Variants in MED12L observed in about 807,000 individuals in gnomAD.
The protein encoded by MED12L is mediator of RNA polymerase II transcription subunit 12-like protein.
In MED12L, 60 loss-of-function variants were observed where a neutral mutation model predicts 281.3. The observed-to-expected ratio is 0.21, with a 90% confidence interval of 0.17 to 0.26. The LOEUF (loss-of-function observed/expected upper bound fraction) is 0.26. Ranked by LOEUF, MED12L falls within the 10% of genes least tolerant of loss-of-function variation. The pLI, the probability that MED12L is intolerant of heterozygous loss-of-function variation, is 1.00. For missense variants in MED12L, 2,146 were observed against 2,680.9 expected (o/e 0.80, Z 4.41); for synonymous variants, 974 against 987.2 (o/e 0.99, Z 0.25).
chr3:151,430,469 GGTACCATCT>G (rs1420234674), intron 44 of MED12L, 89 bp downstream of exon 44: 7 of 1,581,796 alleles, frequency 4.4e-6, no homozygotes, highest in Middle Eastern at 1.8e-4. Flanking sequence ...CTCCCAAGAT[GGTACCATCT>G]TCCTCAGTAC....
rs35382265 is a variant in MED12L at position 151,313,542 on chromosome 3, TA to T, written c.2251-36506del. ...ATTTATACCTTAAGGTTGTCTGAGT[TA>T]AAAAAAAAAATGCATGATAAGGCCA... On this transcript the variant is annotated intron_variant, in intron 16 of 44. Coordinates refer to ENST00000687756, the MANE Select transcript of MED12L (RefSeq NM_001393769.1). Among the ~76,000 whole-genome samples, 1,436 of 147,930 alleles carry T rather than the reference TA, an allele frequency of 9.7e-3. 14 individuals carry two copies. Among genetic ancestry groups the T allele is most frequent in the Non-Finnish European group, 0.014 (909 of 66,764 alleles).
At chr3:151,354,956 TCTGTTACTTTGCATTC>T (rs576172265) in intron 17 of MED12L, among the ~76,000 whole-genome samples, 149 bp from the exon 18 acceptor site, 177 of 152,302 alleles carry the variant, frequency 1.2e-3, no homozygotes, top group African/African-American at 4.1e-3. Context: ...GAGATTCCAT[TCTGTTACTTTGCATTC>T]AAGTCTTATT....
At chr3:151,117,439 C>T (rs1712998711) in intron 3 of MED12L, among the ~76,000 whole-genome samples, 1 of 152,140 alleles carries the variant, frequency 6.6e-6, no homozygotes, top group Non-Finnish European at 1.5e-5. Context: ...AGATGGGACA[C>T]ATAGATACAT....
rs116587020 is a variant in MED12L at position 151,154,521 on chromosome 3, A to C, written c.557-1640A>C. 5.9e-3 allele frequency among the ~76,000 whole-genome samples: 897 copies of C among 152,250 alleles called. 10 individuals are homozygous for C. The highest frequency in any genetic ancestry group is 0.02 in the African/African-American group (841 of 41,548). ...TTCTCCTATATTTTAAAAAATCTTA[A>C]AAAGGAGATATACCCTAGACAAAAT... On this transcript the variant is annotated intron_variant, in intron 5 of 44. Coordinates refer to ENST00000687756, the MANE Select transcript of MED12L (RefSeq NM_001393769.1).
chr3:151,119,059 T>C (rs1713329181), intron 3 of MED12L, among the ~76,000 whole-genome samples: 1 of 152,216 alleles, frequency 6.6e-6, no homozygotes, highest in Non-Finnish European at 1.5e-5. Flanking sequence ...CACTTTTCCT[T>C]ATGGCTAAAG....
intron 16 of MED12L, among the ~76,000 whole-genome samples, chr3:151,322,178 G>T (rs1229300285): frequency 6.6e-6 from 1 of 152,008 alleles, no homozygotes; most frequent in East Asian, 1.9e-4. Flanking sequence ...TATAAAAGCT[G>T]ATTTGTTTCT....
chr3:151,287,632 C>A (rs189512718), intron 16 of MED12L, among the ~76,000 whole-genome samples: 1 of 152,158 alleles, frequency 6.6e-6, no homozygotes, highest in Non-Finnish European at 1.5e-5. Flanking sequence ...CACTTCACTT[C>A]CTAGCTAGGT....
chr3:151,312,810 G>A (rs1173887470), intron 16 of MED12L, among the ~76,000 whole-genome samples: 1 of 152,188 alleles, frequency 6.6e-6, no homozygotes, highest in East Asian at 1.9e-4. Context: ...TACTTGGGCA[G>A]GTTACCCAAC....
intron 5 of MED12L, among the ~76,000 whole-genome samples, chr3:151,136,221 A>G (rs1019446870): frequency 1.3e-5 from 2 of 152,190 alleles, no homozygotes; most frequent in Non-Finnish European, 2.9e-5. Context: ...AGCCATTTGG[A>G]CTGCAAAAAT....
At chr3:151,189,218 T>C (rs137895991) in intron 13 of MED12L, among the ~76,000 whole-genome samples, 13 of 152,252 alleles carry the variant, frequency 8.5e-5, no homozygotes, top group Non-Finnish European at 1.5e-4. Flanking sequence ...CAAACAGTAC[T>C]CTTCTGAGTC....
At chr3:151,090,345 T>C (rs1199056582) in intron 2 of MED12L, among the ~76,000 whole-genome samples, 2 of 152,210 alleles carry the variant, frequency 1.3e-5, no homozygotes, top group African/African-American at 4.8e-5. Context: ...ATATGTTTGC[T>C]GTCATGAACT....
At chr3:151,260,714 C>G (rs1738706837) in intron 16 of MED12L, among the ~76,000 whole-genome samples, 1 of 152,162 alleles carries the variant, frequency 6.6e-6, no homozygotes, top group Admixed American at 6.5e-5. Flanking sequence ...CTTTGTTTCC[C>G]AGTGATCACT....
At chr3:151,251,100 T>C (rs370008368) in intron 16 of MED12L, among the ~76,000 whole-genome samples, 2 of 152,216 alleles carry the variant, frequency 1.3e-5, no homozygotes, top group East Asian at 3.9e-4. Flanking sequence ...CCCTCAAATG[T>C]TGATGTTTTA....
chr3:151,220,725 A>T lies in MED12L; in HGVS notation c.2250+27059A>T, dbSNP rs114212048. Among the ~76,000 whole-genome samples, 1,123 of 152,324 alleles carry T rather than the reference A, an allele frequency of 7.4e-3. 15 individuals carry two copies. Among genetic ancestry groups the T allele is most frequent in the African/African-American group, 0.026 (1,066 of 41,556 alleles). ...TGCCATGATTGTGAGGCCTCCCACC[A>T]TGTGGAACTGTAAGTCCAGTAAACC... is the stretch of plus-strand genomic sequence containing the variant. On this transcript the variant is annotated intron_variant, in intron 16 of 44. Transcript: ENST00000687756.
At chr3:151,368,775 T>C (rs1755804082) in intron 25 of MED12L, among the ~76,000 whole-genome samples, 1 of 145,522 alleles carries the variant, frequency 6.9e-6, no homozygotes, top group Admixed American at 7.0e-5. Context: ...TTTTTTTTTT[T>C]TTCCAAGACA....
chr3:151,135,354 T>G (rs1290967024), intron 5 of MED12L, among the ~76,000 whole-genome samples: 1 of 152,204 alleles, frequency 6.6e-6, no homozygotes, highest in Non-Finnish European at 1.5e-5. Context: ...ATCGATACCT[T>G]TAAAGTGTTT....
chr3:151,237,375 GTC>G (rs1733118802), intron 16 of MED12L, among the ~76,000 whole-genome samples: 1 of 99,868 alleles, frequency 1.0e-5, no homozygotes, highest in Admixed American at 1.5e-4. Context: ...TTGAGACAGA[GTC>G]TTACTCTTGT....
intron 11 of MED12L, among the ~76,000 whole-genome samples, chr3:151,171,664 G>A (rs925320799): frequency 6.6e-6 from 1 of 152,188 alleles, no homozygotes; most frequent in Non-Finnish European, 1.5e-5. Flanking sequence ...GTTGTGATGA[G>A]TTCATAGTGA....
rs1224326702 is a variant in MED12L, at chr3:151,357,234, G to A, written c.2683G>A (p.Val895Met). Residue 895 changes from valine to methionine, a missense_variant, in exon 20 of 45, where the codon GTG becomes ATG. Around this residue, in one of 9 missense-constraint regions of MED12L, gnomAD observed 404 missense variants for 603.5 expected, o/e 0.67. Coordinates refer to ENST00000687756, the MANE Select transcript of MED12L (RefSeq NM_001393769.1). ...ACAGTTACTAAATGAACTGAGTGTT[G>A]TGGAAGCTGAACTGCTCCTAAAATC... is the stretch of plus-strand genomic sequence containing the variant. ...AIQLLNELSV[V>M]EAELLLKSSS... 1.9e-6 allele frequency: 3 copies of A among 1,610,140 alleles called. No individual in the cohort carries two copies. The highest frequency in any genetic ancestry group is 1.7e-4 in the Middle Eastern group (1 of 6,038).
Sources: allele counts gnomAD v4.1 joint callset (sites outside exome capture counted in the v4.1 genomes callset), GRCh38; gene constraint gnomAD v4.1.1; regional missense constraint gnomAD v4.1.1; transcripts MANE v1.5; gene names NCBI Gene and HGNC (gene_info 2026-07-23, HGNC 2026-07-21).